Variants in PIGN observed in about 807,000 individuals in gnomAD.
PIGN encodes GPI ethanolamine phosphate transferase 1.
PIGN carries 117 observed loss-of-function variants against 125.4 expected under a neutral mutation model. That is an observed-to-expected ratio of 0.93 (90% CI 0.80 to 1.09). The LOEUF (loss-of-function observed/expected upper bound fraction) is 1.09, where lower values mean the gene tolerates loss of function less well. Among genes scored for constraint, PIGN ranks in the 50% least tolerant of loss-of-function variants. PIGN has a pLI of 0.00. For synonymous variants in PIGN, 392 were observed against 377.8 expected, an observed-to-expected ratio of 1.04 and a Z score of -0.44; for missense variants, 1,075 against 1,094.9, an observed-to-expected ratio of 0.98 and a Z score of 0.26.
chr18:62,075,898 A>C (rs2033145204), intron 28 of PIGN: 1 of 152,150 alleles, frequency 6.6e-6, no homozygotes, highest in Non-Finnish European at 1.5e-5. Context: ...TATTCTGATA[A>C]ACTGTTCTGG....
In PIGN at chr18:62,161,195, G is replaced by A. The variant is rs1032507965; in HGVS notation, c.159C>T (p.Gly53=). The A allele has an allele frequency of 1.9e-6, 3 of 1,613,728 alleles. No homozygotes were observed. Among genetic ancestry groups the A allele is most frequent in the Non-Finnish European group, 2.5e-6 (3 of 1,179,786 alleles). ...ATTCGTAAAGTGCATCTGCTCGAAG[G>A]CCATCAGCAACAAACAACACTAATC... is the stretch of plus-strand genomic sequence containing the variant. ...ARRLVLFVAD[G]LRADALYELD... Residue 53 remains glycine (G), a synonymous_variant, in exon 4 of 31, where the codon GGC becomes GGT. Coordinates refer to ENST00000640252, the MANE Select transcript of PIGN (RefSeq NM_176787.5).
In PIGN at chr18:62,084,622, A is replaced by T. The variant is rs532879051; in HGVS notation, c.2427-16T>A. ...AAGATCAAAGCTAGGGAATTATAAC[A>T]AGGAAAAAGAATTTAGAATTCACTC... On this transcript the variant is annotated splice_polypyrimidine_tract_variant and intron_variant, in intron 26 of 30. Coordinates refer to ENST00000640252, the MANE Select transcript of PIGN (RefSeq NM_176787.5). The T allele has an allele frequency of 2.0e-5, 30 of 1,464,496 alleles. No homozygotes were observed. The highest frequency in any genetic ancestry group is 2.8e-5 in the Non-Finnish European group (30 of 1,066,972). The allele number at this position is 1,464,496 out of a possible 1,614,324, so 90.7% of individuals were successfully genotyped here.
At chr18:62,137,385 C>A in intron 14 of PIGN, 1 of 340,488 alleles carries the variant, frequency 2.9e-6, no homozygotes, top group Non-Finnish European at 5.3e-6. Context: ...TATTCTGGGA[C>A]GTCACCTTGT....
Position 62,044,611 on chromosome 18 carries a change from A to C in PIGN, c.*1245T>G, listed in dbSNP as rs1202995191. 1.5e-5 allele frequency: 1 copy of C among 65,402 alleles called. No homozygotes were observed. The highest frequency in any genetic ancestry group is 2.9e-5 in the Non-Finnish European group (1 of 34,832). The allele number at this position is 65,402 out of a possible 1,614,324, so 4.1% of individuals were successfully genotyped here. On this transcript the variant is annotated 3_prime_UTR_variant, in exon 31 of 31. Transcript: ENST00000640252. ...GAAATTAAGAAAGTACACTTTGCCA[A>C]ACTGATTTCTGACTTTTAAATTGTA...
At chr18:62,050,230 T>C (rs1487023153) in intron 30 of PIGN, among the ~76,000 whole-genome samples, 1 of 152,256 alleles carries the variant, frequency 6.6e-6, no homozygotes, top group African/African-American at 2.4e-5. Context: ...TTTCCAATTC[T>C]GTGAAGAAAG....
Position 62,042,482 on chromosome 18 carries a change from G to A in PIGN, c.*3374C>T, listed in dbSNP as rs978199430. ...GAAAGTTGAGCAGTAACTGTAACCCGTTTTAAGTGTACCCAAGGAAATGAA... is the reference window on the plus strand; with the variant it reads ...GAAAGTTGAGCAGTAACTGTAACCCATTTTAAGTGTACCCAAGGAAATGAA... On this transcript the variant is annotated 3_prime_UTR_variant, in exon 31 of 31. Coordinates refer to ENST00000640252, the MANE Select transcript of PIGN (RefSeq NM_176787.5). 4 of 152,120 alleles carry A rather than the reference G, an allele frequency of 2.6e-5. No homozygotes were observed. Among genetic ancestry groups the A allele is most frequent in the East Asian group, 1.9e-4 (1 of 5,202 alleles). The allele number at this position is 152,120 out of a possible 1,614,324, so 9.4% of individuals were successfully genotyped here.
intron 14 of PIGN, chr18:62,137,737 T>A (rs984330186): frequency 1.3e-5 from 2 of 153,408 alleles, no homozygotes; most frequent in Non-Finnish European, 2.9e-5. Flanking sequence ...GCGCCCAGCC[T>A]ATCTTTATTC....
intron 30 of PIGN, among the ~76,000 whole-genome samples, chr18:62,050,506 G>A (rs1165243910): frequency 6.6e-6 from 1 of 151,454 alleles, no homozygotes; most frequent in Non-Finnish European, 1.5e-5. Context: ...CTGTTTGTCT[G>A]TTGTTGGTGT....
In PIGN at chr18:62,082,733, A is replaced by C; in HGVS notation, c.2516T>G (p.Phe839Cys). ...TTCAAAAGCACACATAACAAGAACA[A>C]AGGGGATTAAAATCTGTAAAAGAAC... ...ALMMWKILIP[F>C]VLVMCAFEAV... Residue 839 changes from phenylalanine to cysteine, a missense_variant, in exon 28 of 31, where the codon TTT (phenylalanine) becomes TGT (cysteine). Transcript: ENST00000640252. 1 of 1,538,830 alleles carries C rather than the reference A, an allele frequency of 6.5e-7. No homozygotes were observed.
At chr18:62,063,775 G>A (rs1281324302) in intron 30 of PIGN, among the ~76,000 whole-genome samples, 2 of 151,348 alleles carry the variant, frequency 1.3e-5, no homozygotes, top group East Asian at 4.0e-4. Flanking sequence ...CGTGTACTTT[G>A]CAGGGACATG....
intron 1 of PIGN, among the ~76,000 whole-genome samples, chr18:62,170,358 A>G (rs995627186): frequency 2.4e-5 from 3 of 125,870 alleles, no homozygotes; most frequent in Non-Finnish European, 5.2e-5. Flanking sequence ...TTTTCCAACA[A>G]TATGTGCTCA....
At chr18:62,130,502 A>T (rs2035692589) in intron 14 of PIGN, among the ~76,000 whole-genome samples, 1 of 151,440 alleles carries the variant, frequency 6.6e-6, no homozygotes, top group African/African-American at 2.4e-5. Context: ...GAAAATATCA[A>T]GTTTTAAAGA....
chr18:62,044,309 G>C lies in PIGN; in HGVS notation c.*1547C>G, dbSNP rs982893731. 6 of 152,096 alleles carry C rather than the reference G, an allele frequency of 3.9e-5. No individual in the cohort carries two copies. Among genetic ancestry groups the C allele is most frequent in the African/African-American group, 7.2e-5 (3 of 41,412 alleles). 9.4% of individuals were successfully genotyped at this position (152,096 alleles called of 1,614,324 possible). A position where few individuals can be genotyped will look rare whatever the true frequency, so the allele number is the denominator to read the frequency against. ...AAAGGCAAAACTACACATAGAAAAA[G>C]GTCAGTGATAAGTGTTTATACAGTC... is the stretch of plus-strand genomic sequence containing the variant. On this transcript the variant is annotated 3_prime_UTR_variant, in exon 31 of 31. Transcript: ENST00000640252.
At chr18:62,089,242 T>C (rs974433536) in intron 24 of PIGN, among the ~76,000 whole-genome samples, 2 of 152,230 alleles carry the variant, frequency 1.3e-5, no homozygotes, top group South Asian at 4.1e-4. Context: ...ATGGTAAAAT[T>C]AAATGTTTGT....
chr18:62,050,264 G>T (rs929955372), intron 30 of PIGN, among the ~76,000 whole-genome samples: 1 of 152,138 alleles, frequency 6.6e-6, no homozygotes, highest in Non-Finnish European at 1.5e-5. Flanking sequence ...AATGGGGATG[G>T]CATTGAATCT....
At chr18:62,059,182 A>AC (rs1206060802) in intron 30 of PIGN, 1 of 140,646 alleles carries the variant, frequency 7.1e-6, no homozygotes, top group Non-Finnish European at 1.5e-5. Context: ...AAAAAAAAAA[A>AC]AAAAAAAAAA....
At chr18:62,051,537 T>C (rs1378367844) in intron 30 of PIGN, among the ~76,000 whole-genome samples, 2 of 152,106 alleles carry the variant, frequency 1.3e-5, no homozygotes, top group East Asian at 3.8e-4. Context: ...TCTGTGGGAT[T>C]GGTGGTGATT....
At chr18:62,147,447 A>G (rs1308472857) in intron 8 of PIGN, among the ~76,000 whole-genome samples, 1 of 152,208 alleles carries the variant, frequency 6.6e-6, no homozygotes, top group Non-Finnish European at 1.5e-5. Flanking sequence ...TATCATTTCA[A>G]GTATAGAATA....
At chr18:62,112,793 T>A (rs573964373) in intron 16 of PIGN, 73 of 295,534 alleles carry the variant, frequency 2.5e-4, no homozygotes, top group African/African-American at 1.3e-3. Context: ...TTGAAGTAGT[T>A]TTCTGACCAG....
Sources: gnomAD v4.1 joint callset for allele counts (sites outside exome capture counted in the v4.1 genomes callset) on GRCh38, gnomAD v4.1.1 for gene constraint, MANE v1.5 for transcripts, NCBI Gene and HGNC (gene_info 2026-07-23, HGNC 2026-07-21) for gene names.